Variants in LRRIQ1 observed in about 807,000 individuals in gnomAD.
LRRIQ1 encodes leucine rich repeats and IQ motif containing 1.
LRRIQ1 carries 210 observed loss-of-function variants against 211.9 expected under a neutral mutation model. The ratio of observed to expected loss-of-function variants is 0.99; its 90% CI spans 0.89 to 1.11. The LOEUF is 1.11. Ranked by LOEUF, LRRIQ1 falls within the 50% of genes most tolerant of loss-of-function variation. The probability of loss-of-function intolerance (pLI) is 0.00; values close to 1 mark genes in which losing one functional copy is unlikely to be tolerated. For synonymous variants in LRRIQ1, 699 were observed against 650.1 expected, an observed-to-expected ratio of 1.08 and a Z score of -1.14; for missense variants, 2,136 against 1,939.5, an observed-to-expected ratio of 1.10 and a Z score of -1.90.
At chr12:85,172,711 A>G (rs1489644008) in intron 24 of LRRIQ1, among the ~76,000 whole-genome samples, 1 of 152,182 alleles carries the variant, frequency 6.6e-6, no homozygotes, top group African/African-American at 2.4e-5. Context: ...TGAGAAAGCA[A>G]AAGCTTAAAC....
chr12:85,110,214 G>A (rs1460970728), intron 15 of LRRIQ1, among the ~76,000 whole-genome samples: 1 of 151,976 alleles, frequency 6.6e-6, no homozygotes, highest in Admixed American at 6.6e-5. Flanking sequence ...TAACATGTTG[G>A]ACATTATGAA....
chr12:85,102,508 A>G (rs1339763316), intron 13 of LRRIQ1, among the ~76,000 whole-genome samples: 1 of 151,754 alleles, frequency 6.6e-6, no homozygotes, highest in Admixed American at 6.6e-5. Context: ...ATGCAGAGAA[A>G]TGTTCTCCCA....
intron 18 of LRRIQ1, among the ~76,000 whole-genome samples, chr12:85,131,479 G>T (rs973770245): frequency 6.6e-6 from 1 of 152,060 alleles, no homozygotes; most frequent in Admixed American, 6.6e-5. Context: ...CCACTTAAAG[G>T]ATATGAGCTA....
chr12:85,124,481 G>T lies in LRRIQ1; in HGVS notation c.3969G>T (p.Leu1323Phe), dbSNP rs992114738. The T allele has an allele frequency of 2.5e-6, 4 of 1,613,174 alleles. No homozygotes were observed. In the Admixed American group the frequency reaches 6.7e-5, roughly 27 times the overall value. Reference protein sequence around the residue: ...PFKEVVMTNSLLRNHQNIEPS... With the variant: ...PFKEVVMTNSFLRNHQNIEPS... ...AGGAAGTAGTAATGACAAATTCTTT[G>T]CTGAGGAATCACCAAAATATTGAGC... is the stretch of plus-strand genomic sequence containing the variant. The change falls in exon 17 of 27, where the codon TTG (leucine) becomes TTT (phenylalanine). Residue 1323 changes from leucine to phenylalanine, a missense_variant. By Grantham distance (22) the Leu-to-Phe change is conservative (BLOSUM62 0). Transcript: ENST00000393217.
chr12:85,240,646 A>G (rs1895417881), intron 26 of LRRIQ1, among the ~76,000 whole-genome samples: 1 of 152,190 alleles, frequency 6.6e-6, no homozygotes. Flanking sequence ...GTACATACAT[A>G]CAGTGGATAT....
At chr12:85,202,943 C>CAA (rs1865247065) in intron 24 of LRRIQ1, among the ~76,000 whole-genome samples, 1 of 152,110 alleles carries the variant, frequency 6.6e-6, no homozygotes, top group Admixed American at 6.6e-5. Flanking sequence ...CCATGTTTAA[C>CAA]ACTCCCTTCA....
chr12:85,230,236 T>TA (rs1392387566), intron 25 of LRRIQ1, among the ~76,000 whole-genome samples: 1 of 152,228 alleles, frequency 6.6e-6, no homozygotes, highest in African/African-American at 2.4e-5. Context: ...TATGTACCAT[T>TA]TTGCTAGGGC....
chr12:85,166,314 G>A (rs549395303), intron 24 of LRRIQ1, among the ~76,000 whole-genome samples: 55 of 152,212 alleles, frequency 3.6e-4, no homozygotes, highest in African/African-American at 9.4e-4. Context: ...AATTGTACTC[G>A]ATTTCAAGTC....
chr12:85,111,501 G>A (rs548139749), intron 15 of LRRIQ1, among the ~76,000 whole-genome samples: 2 of 152,118 alleles, frequency 1.3e-5, no homozygotes, highest in South Asian at 4.1e-4. Context: ...GGCTAGAAAA[G>A]GTAAAGAACA....
At chr12:85,216,972 A>G (rs1402330056) in intron 24 of LRRIQ1, among the ~76,000 whole-genome samples, 1 of 152,104 alleles carries the variant, frequency 6.6e-6, no homozygotes, top group Non-Finnish European at 1.5e-5. Context: ...GGAAAACAAC[A>G]ACTTTAGAAC....
Position 85,158,860 on chromosome 12 carries a change from G to T in LRRIQ1, c.4721-1753G>T, listed in dbSNP as rs2136712048. The stretch of plus-strand genomic sequence containing the variant: ...ACTGTTTACAATTACCTTATCCCTT[G>T]GCTTTTTTTTTAACTGGGTTGTGTT... On this transcript the variant is annotated intron_variant, in intron 23 of 26. Coordinates refer to ENST00000393217, the MANE Select transcript of LRRIQ1 (RefSeq NM_001079910.2). Among the ~76,000 whole-genome samples the T allele has an allele frequency of 1.7e-5, 2 of 119,514 alleles. 1 individual carries two copies. The highest frequency in any genetic ancestry group is 4.6e-4 in the South Asian group (2 of 4,368). The allele number at this position is 119,514 out of a possible 152,430, so 78.4% of individuals were successfully genotyped here.
Position 85,193,037 on chromosome 12 carries a change from T to A in LRRIQ1, c.4822+32323T>A, listed in dbSNP as rs1385153813. On this transcript the variant is annotated intron_variant, in intron 24 of 26. Coordinates refer to ENST00000393217, the MANE Select transcript of LRRIQ1 (RefSeq NM_001079910.2). Reference sequence around the variant, plus strand: ...ATTATATAATATATTTATTATATTATATTTATAATAAATATAATATAAATA... The same window carrying A: ...ATTATATAATATATTTATTATATTAAATTTATAATAAATATAATATAAATA... Among the ~76,000 whole-genome samples the A allele has an allele frequency of 1.7e-3, 170 of 102,632 alleles. 5 individuals carry two copies. Among genetic ancestry groups the A allele is most frequent in the African/African-American group, 6.3e-3 (164 of 26,044 alleles). 67.3% of individuals were successfully genotyped at this position (102,632 alleles called of 152,430 possible). A position where few individuals can be genotyped will look rare whatever the true frequency, so the allele number is the denominator to read the frequency against.
At chr12:85,060,801 C>G (rs533792262) in intron 8 of LRRIQ1, among the ~76,000 whole-genome samples, 61 of 151,824 alleles carry the variant, frequency 4.0e-4, no homozygotes, top group Non-Finnish European at 4.9e-4. Flanking sequence ...ATTACGTTTA[C>G]CATAGATGAC....
chr12:85,220,963 CCA>C (rs1195093405), intron 24 of LRRIQ1, among the ~76,000 whole-genome samples: 10 of 151,980 alleles, frequency 6.6e-5, no homozygotes, highest in Admixed American at 6.6e-4. Flanking sequence ...GCGTGCAATA[CCA>C]CACACCCGGC....
intron 17 of LRRIQ1, among the ~76,000 whole-genome samples, chr12:85,125,127 C>T (rs962653356): frequency 1.3e-5 from 2 of 151,850 alleles, no homozygotes; most frequent in African/African-American, 2.4e-5. Context: ...TGCAGTGAGC[C>T]GAGATCACGC....
intron 24 of LRRIQ1, among the ~76,000 whole-genome samples, chr12:85,195,047 C>G (rs1182052147): frequency 6.6e-6 from 1 of 152,174 alleles, no homozygotes; most frequent in Non-Finnish European, 1.5e-5. Flanking sequence ...ACAAACACCT[C>G]TATGCAAATA....
At chr12:85,085,934 C>T (rs1884770658) in intron 11 of LRRIQ1, among the ~76,000 whole-genome samples, 1 of 152,162 alleles carries the variant, frequency 6.6e-6, no homozygotes. Context: ...GAATGATTTA[C>T]TTTCCTTTAA....
Position 85,053,136 on chromosome 12 carries a change from C to T in LRRIQ1, c.753+885C>T, listed in dbSNP as rs548167900. Among the ~76,000 whole-genome samples, 6 of 151,336 alleles carry T rather than the reference C, an allele frequency of 4.0e-5. No homozygotes were observed. In the East Asian group the frequency reaches 9.7e-4, roughly 25 times the overall value. On this transcript the variant is annotated intron_variant, in intron 7 of 26. Coordinates refer to ENST00000393217, the MANE Select transcript of LRRIQ1 (RefSeq NM_001079910.2). ...TCAATAGAAAATATCCAAATTAAAG[C>T]ACAGAGAAGAAAAAAAATTGCAAGA...
At chr12:85,172,421 G>A (rs1206121769) in intron 24 of LRRIQ1, among the ~76,000 whole-genome samples, 2 of 152,160 alleles carry the variant, frequency 1.3e-5, no homozygotes, top group Non-Finnish European at 2.9e-5. Context: ...TTTAGACTGA[G>A]AAAGTCTTGT....
Sources: allele counts gnomAD v4.1 joint callset (sites outside exome capture counted in the v4.1 genomes callset), GRCh38; gene constraint gnomAD v4.1.1; transcripts MANE v1.5; gene names NCBI Gene and HGNC (gene_info 2026-07-23, HGNC 2026-07-21).